Variants in MTA1 observed in about 807,000 individuals in gnomAD.
MTA1 encodes the protein metastasis-associated protein MTA1.
In MTA1, 15 loss-of-function variants were observed where a neutral mutation model predicts 97.0. That is an observed-to-expected ratio of 0.15 (90% CI 0.10 to 0.24). MTA1 has a LOEUF of 0.24. Ranked by LOEUF, MTA1 falls within the 10% of genes least tolerant of loss-of-function variation. The pLI is 1.00. For synonymous variants in MTA1, 435 were observed against 417.5 expected (o/e 1.04, Z -0.51); for missense variants, 709 against 1,015.1 (o/e 0.70, Z 4.10).
rs1377980415 is a variant in MTA1 at position 105,424,408 on chromosome 14, A to G, written c.28+4345A>G. Among the ~76,000 whole-genome samples the G allele has an allele frequency of 6.7e-6, 1 of 149,796 alleles. No homozygotes were observed. Among genetic ancestry groups the G allele is most frequent in the East Asian group, 2.0e-4 (1 of 5,086 alleles). On this transcript the variant is annotated intron_variant, in intron 1 of 20. Coordinates refer to ENST00000331320, the MANE Select transcript of MTA1 (RefSeq NM_004689.4). This position sits in a 1 kb window ranked among gnomAD's most constrained non-coding sequence, Gnocchi z 4.0. The stretch of plus-strand genomic sequence containing the variant: ...TGTAGAGACGGGGTTTCACTGTGTT[A>G]GCCAGTATGGTCTCGATCTCCTGAC...
intron 19 of MTA1, 81 bp from the exon 20 acceptor site, chr14:105,469,760 A>AGTACCTTGGCTGGTG: frequency 7.2e-6 from 10 of 1,390,356 alleles, no homozygotes; most frequent in Non-Finnish European, 9.4e-6. Flanking sequence ...GGCCAGGCAC[A>AGTACCTTGGCTGGTG]GCACCTCCCA....
chr14:105,420,151 G>A lies in MTA1; in HGVS notation c.28+88G>A. 3.1e-6 allele frequency: 2 copies of A among 647,370 alleles called. No individual in the cohort carries two copies. Among genetic ancestry groups the A allele is most frequent in the Non-Finnish European group, 3.8e-6 (2 of 524,688 alleles). The allele number at this position is 647,370 out of a possible 1,614,324, so 40.1% of individuals were successfully genotyped here. ...GCCGCCTCCCCCGCCCCTCTGCCCCGCAGGCCCCGCGCCCCCCGCCCGCCC... is the reference window on the plus strand; with the variant it reads ...GCCGCCTCCCCCGCCCCTCTGCCCCACAGGCCCCGCGCCCCCCGCCCGCCC... On this transcript the variant is annotated intron_variant, in intron 1 of 20. Transcript: ENST00000331320. This position sits in a 1 kb window ranked among gnomAD's most constrained non-coding sequence, Gnocchi z 5.3.
intron 6 of MTA1, among the ~76,000 whole-genome samples, chr14:105,453,179 T>A (rs1555429094): frequency 6.6e-6 from 1 of 152,258 alleles, no homozygotes; most frequent in African/African-American, 2.4e-5. Context: ...TGAGATGGAA[T>A]GCTGGCGGGA....
chr14:105,441,643 A>G (rs1313008052), intron 2 of MTA1, among the ~76,000 whole-genome samples: 4 of 152,034 alleles, frequency 2.6e-5, no homozygotes, highest in Non-Finnish European at 5.9e-5. Context: ...AAATACAAAA[A>G]ATTAGCCGGG....
intron 7 of MTA1, among the ~76,000 whole-genome samples, chr14:105,456,029 C>A (rs1316468444): frequency 6.6e-6 from 1 of 151,852 alleles, no homozygotes; most frequent in East Asian, 1.9e-4. Flanking sequence ...GTGGAGAGGC[C>A]ACTGTGCTGG....
chr14:105,464,959 T>A, intron 15 of MTA1, 96 bp downstream of exon 15: 2 of 1,448,604 alleles, frequency 1.4e-6, no homozygotes, highest in African/African-American at 1.4e-5. Flanking sequence ...CTGGGAGTTC[T>A]GATCTCAGGG....
chr14:105,468,177 G>T (rs1595432184), intron 18 of MTA1: 3 of 558,642 alleles, frequency 5.4e-6, no homozygotes, highest in South Asian at 3.2e-5. Flanking sequence ...CTCGAGTGAG[G>T]GCCCTGCCTG....
At chr14:105,470,022 C>A (rs1555434036) in intron 20 of MTA1, 30 bp downstream of exon 20, 18 of 1,612,510 alleles carry the variant, frequency 1.1e-5, no homozygotes, top group East Asian at 2.2e-5. Flanking sequence ...GGCGGGAGGG[C>A]TCCGCACAGC....
intron 18 of MTA1, 112 bp downstream of exon 18, chr14:105,466,854 C>T (rs1483918030): frequency 1.6e-5 from 18 of 1,107,058 alleles, no homozygotes; most frequent in Middle Eastern, 5.9e-4. Flanking sequence ...TGGGGCAGTC[C>T]ACGTGAGCCA....
At chr14:105,448,522 G>A (rs1294645624) in intron 3 of MTA1, among the ~76,000 whole-genome samples, 2 of 152,186 alleles carry the variant, frequency 1.3e-5, no homozygotes, top group Non-Finnish European at 2.9e-5. Flanking sequence ...TCTGGGCCCT[G>A]GTGATGTCTG....
chr14:105,443,675 C>T (rs1319667611), intron 2 of MTA1, among the ~76,000 whole-genome samples: 1 of 152,188 alleles, frequency 6.6e-6, no homozygotes, highest in Non-Finnish European at 1.5e-5. Context: ...GGCCAGGTGC[C>T]TTGGCTTACT....
chr14:105,454,480 G>A (rs2083066868), intron 7 of MTA1, 170 bp downstream of exon 7: 1 of 546,792 alleles, frequency 1.8e-6, no homozygotes. Context: ...GTAGGCTGGT[G>A]TCCCGGAGCC....
intron 2 of MTA1, among the ~76,000 whole-genome samples, chr14:105,441,765 G>T (rs1002598655): frequency 1.3e-5 from 2 of 152,194 alleles, no homozygotes; most frequent in Admixed American, 6.5e-5. Flanking sequence ...CTACACTCCA[G>T]CCTGGGCGAC....
Position 105,470,170 on chromosome 14 carries a change from G to C in MTA1, c.2103G>C (p.Pro701=). 12 of 1,608,952 alleles carry C rather than the reference G, an allele frequency of 7.5e-6. No homozygotes were observed. The highest frequency in any genetic ancestry group is 1.0e-5 in the Non-Finnish European group (12 of 1,178,178). ...RQSQALPPRP[P]PPAPVNDEPI... The stretch of plus-strand genomic sequence containing the variant: ...GCCAGGCCCTGCCGCCGCGGCCACC[G>C]CCACCTGCGCCCGTCAACGACGAGC... The change falls in exon 21 of 21, where the codon CCG becomes CCC. Residue 701 remains proline, a synonymous_variant. Transcript: ENST00000331320.
chr14:105,419,906 G>T lies in MTA1; in HGVS notation c.-130G>T. Reference sequence around the variant, plus strand: ...CCTCGGCGGCGGCGGCGGCGGCGGCGGCGGCAGCAGCGCGGCCCCTTTAAA... The same window carrying T: ...CCTCGGCGGCGGCGGCGGCGGCGGCTGCGGCAGCAGCGCGGCCCCTTTAAA... On this transcript the variant is annotated 5_prime_UTR_variant, in exon 1 of 21. Transcript: ENST00000331320. The T allele has an allele frequency of 4.1e-6, 1 of 244,970 alleles. No individual in the cohort carries two copies. The highest frequency in any genetic ancestry group is 6.4e-6 in the Non-Finnish European group (1 of 155,308). The allele number at this position is 244,970 out of a possible 1,614,324, so 15.2% of individuals were successfully genotyped here. A position where few individuals can be genotyped will look rare whatever the true frequency, so the allele number is the denominator to read the frequency against.
intron 7 of MTA1, among the ~76,000 whole-genome samples, chr14:105,456,678 T>C (rs2083165489): frequency 6.6e-6 from 1 of 152,166 alleles, no homozygotes; most frequent in African/African-American, 2.4e-5. Context: ...AGTGCGACCA[T>C]CATGACCAGC....
chr14:105,445,703 T>G (rs1290345214), intron 3 of MTA1, 192 bp downstream of exon 3: 4 of 710,764 alleles, frequency 5.6e-6, no homozygotes, highest in Non-Finnish European at 1.0e-5. Flanking sequence ...CCTCGGGGGC[T>G]GGGTGAATGA....
rs1197672169 is a variant in MTA1, at chr14:105,463,794, G to C, written c.1077-238G>C. ...TGGGATTCCAGCCCACACCGCCAGG[G>C]TTCAGTCCCTGAGCTGGGCTCCATG... On this transcript the variant is annotated intron_variant, in intron 12 of 20. Transcript: ENST00000331320. The surrounding 1 kb of genome is among the most constrained non-coding windows in gnomAD (Gnocchi z 5.9). 3.2e-6 allele frequency: 2 copies of C among 626,026 alleles called. No individual in the cohort carries two copies. Among genetic ancestry groups the C allele is most frequent in the Non-Finnish European group, 2.8e-6 (1 of 354,484 alleles). 38.8% of individuals were successfully genotyped at this position (626,026 alleles called of 1,614,324 possible).
intron 1 of MTA1, among the ~76,000 whole-genome samples, chr14:105,425,955 C>T (rs976479681): frequency 2.4e-4 from 37 of 152,198 alleles, no homozygotes; most frequent in Admixed American, 6.5e-4. Flanking sequence ...CTGAGGTGAC[C>T]GCTCCTCAGA....
Sources: gnomAD v4.1 joint callset for allele counts (sites outside exome capture counted in the v4.1 genomes callset) on GRCh38, gnomAD v4.1.1 for gene constraint, Gnocchi (gnomAD v3.1) non-coding constraint, MANE v1.5 for transcripts, NCBI Gene and HGNC (gene_info 2026-07-23, HGNC 2026-07-21) for gene names.